The following ARHGAP10 variants were observed in gnomAD, a reference collection of about 807,000 sequenced individuals.
ARHGAP10 encodes the protein Rho GTPase activating protein 10.
A neutral mutation model predicts 108.6 loss-of-function variants in ARHGAP10; 87 were observed. The observed-to-expected ratio is 0.80, with a 90% CI of 0.67 to 0.96. The LOEUF is 0.96. Ranked by LOEUF, ARHGAP10 falls within the 40% of genes least tolerant of loss-of-function variation. ARHGAP10 has a pLI of 0.00. For missense variants in ARHGAP10, 939 were observed against 954.5 expected (o/e 0.98, Z 0.21); for synonymous variants, 347 against 341.1 (o/e 1.02, Z -0.19).
chr4:148,042,526 C>A (rs577543101), intron 19 of ARHGAP10, among the ~76,000 whole-genome samples: 1 of 152,306 alleles, frequency 6.6e-6, no homozygotes, highest in South Asian at 2.1e-4. Context: ...CGACCAGAGG[C>A]TTTTTCCTTG....
At chr4:147,904,320 G>T (rs546037389) in intron 10 of ARHGAP10, among the ~76,000 whole-genome samples, 1 of 152,136 alleles carries the variant, frequency 6.6e-6, no homozygotes, top group Admixed American at 6.5e-5. Context: ...CCATGCTGGT[G>T]TGCTGCATCC....
At chr4:147,982,880 T>C (rs1468425852) in intron 18 of ARHGAP10, among the ~76,000 whole-genome samples, 1 of 151,996 alleles carries the variant, frequency 6.6e-6, no homozygotes, top group East Asian at 1.9e-4. Context: ...TTACTTACTT[T>C]CTTTTTTTTC....
chr4:147,893,731 A>G (rs909318625), intron 10 of ARHGAP10, among the ~76,000 whole-genome samples: 3 of 151,954 alleles, frequency 2.0e-5, no homozygotes, highest in Non-Finnish European at 2.9e-5. Flanking sequence ...GATTTGTTCA[A>G]TGATGATCAG....
intron 18 of ARHGAP10, among the ~76,000 whole-genome samples, chr4:147,983,428 G>A (rs1407592070): frequency 1.3e-5 from 2 of 151,118 alleles, no homozygotes; most frequent in South Asian, 2.1e-4. Flanking sequence ...CTCGTGATCC[G>A]CCCGCCTCCT....
intron 1 of ARHGAP10, among the ~76,000 whole-genome samples, chr4:147,816,262 C>T (rs1432361811): frequency 6.6e-6 from 1 of 152,168 alleles, no homozygotes; most frequent in East Asian, 1.9e-4. Flanking sequence ...GTGGGATTCT[C>T]TCCAGTCCCC....
intron 1 of ARHGAP10, among the ~76,000 whole-genome samples, chr4:147,798,795 A>C (rs71616569): frequency 1.7e-4 from 8 of 48,008 alleles, no homozygotes; most frequent in East Asian, 5.6e-4. Flanking sequence ...ATATATATAT[A>C]TATATATATA....
intron 1 of ARHGAP10, among the ~76,000 whole-genome samples, chr4:147,819,918 G>C (rs1030806206): frequency 6.6e-6 from 1 of 152,222 alleles, no homozygotes; most frequent in African/African-American, 2.4e-5. Flanking sequence ...GCATAAGACT[G>C]ACAGCCGTCG....
intron 1 of ARHGAP10, among the ~76,000 whole-genome samples, chr4:147,806,407 T>A (rs1400275084): frequency 6.6e-6 from 1 of 151,434 alleles, no homozygotes; most frequent in Non-Finnish European, 1.5e-5. Flanking sequence ...TATATATGAA[T>A]ATTGTATAAT....
chr4:147,759,359 A>G (rs867712498), intron 1 of ARHGAP10, among the ~76,000 whole-genome samples: 1 of 152,360 alleles, frequency 6.6e-6, no homozygotes, highest in Middle Eastern at 3.4e-3. Flanking sequence ...CTATGAATAC[A>G]AATATAATGC....
chr4:148,049,731 A>G (rs987504900), intron 20 of ARHGAP10, among the ~76,000 whole-genome samples: 6 of 151,750 alleles, frequency 4.0e-5, no homozygotes, highest in Non-Finnish European at 5.9e-5. Flanking sequence ...TGATATTTAT[A>G]TGGAATAAAT....
intron 18 of ARHGAP10, among the ~76,000 whole-genome samples, chr4:147,974,529 C>A (rs946300151): frequency 6.6e-6 from 1 of 152,060 alleles, no homozygotes; most frequent in African/African-American, 2.4e-5. Flanking sequence ...CTCAGAATTA[C>A]TTAATATAAG....
chr4:147,893,396 A>T (rs1484175355), intron 10 of ARHGAP10, among the ~76,000 whole-genome samples: 1 of 149,796 alleles, frequency 6.7e-6, no homozygotes, highest in African/African-American at 2.4e-5. Context: ...TTTTTATGTA[A>T]GTGGAATTAT....
At chr4:147,814,332 A>G (rs994806190) in intron 1 of ARHGAP10, among the ~76,000 whole-genome samples, 3 of 152,046 alleles carry the variant, frequency 2.0e-5, no homozygotes, top group African/African-American at 7.3e-5. Flanking sequence ...TTGAAGGAAA[A>G]TAAATATTAA....
chr4:148,061,755 G>C (rs181879539), intron 20 of ARHGAP10, among the ~76,000 whole-genome samples: 189 of 152,210 alleles, frequency 1.2e-3, no homozygotes, highest in African/African-American at 4.3e-3. Context: ...TGGTTGCTCC[G>C]ATGTTGGCTG....
chr4:148,024,467 G>A (rs923431401), intron 19 of ARHGAP10, among the ~76,000 whole-genome samples: 1 of 152,136 alleles, frequency 6.6e-6, no homozygotes, highest in African/African-American at 2.4e-5. Context: ...AGAGATCCAC[G>A]CAAGCAGGTG....
chr4:147,732,190 G>C lies in ARHGAP10; in HGVS notation c.-112G>C, dbSNP rs553382336. On this transcript the variant is annotated 5_prime_UTR_variant, in exon 1 of 23. Transcript: ENST00000336498. ...CCGCGCTCGCCGCGCGCCCGGGCCT[G>C]CTAGCTCCTCTGTGCTCCCTGAACG... 8.7e-7 allele frequency: 1 copy of C among 1,151,812 alleles called. No homozygotes were observed. The highest frequency in any genetic ancestry group is 1.1e-6 in the Non-Finnish European group (1 of 881,116). The allele number at this position is 1,151,812 out of a possible 1,614,324, so 71.3% of individuals were successfully genotyped here.
At chr4:147,911,793 A>G (rs950547260) in intron 12 of ARHGAP10, among the ~76,000 whole-genome samples, 2 of 152,178 alleles carry the variant, frequency 1.3e-5, no homozygotes, top group Admixed American at 1.3e-4. Context: ...GCTCTGCCAT[A>G]TGAATCATCT....
chr4:148,019,814 A>G (rs147577411), intron 18 of ARHGAP10, among the ~76,000 whole-genome samples: 1 of 152,104 alleles, frequency 6.6e-6, no homozygotes, highest in African/African-American at 2.4e-5. Flanking sequence ...CTAACCTTCC[A>G]TAGCTGTTAA....
intron 4 of ARHGAP10, among the ~76,000 whole-genome samples, chr4:147,851,399 G>A (rs1733871638): frequency 6.6e-6 from 1 of 151,984 alleles, no homozygotes; most frequent in South Asian, 2.1e-4. Context: ...TATTTTTGTA[G>A]AGACGGTCTC....
Sources: allele counts gnomAD v4.1 joint callset (sites outside exome capture counted in the v4.1 genomes callset), GRCh38; gene constraint gnomAD v4.1.1; transcripts MANE v1.5; gene names NCBI Gene and HGNC (gene_info 2026-07-23, HGNC 2026-07-21).